VPS13B: variants seen among roughly 807,000 people sequenced by gnomAD.
The protein encoded by VPS13B is vacuolar protein sorting 13 homolog B.
VPS13B carries 285 observed loss-of-function variants against 426.4 expected under a neutral mutation model. The ratio of observed to expected loss-of-function variants is 0.67; its 90% confidence interval spans 0.61 to 0.74. The LOEUF (loss-of-function observed/expected upper bound fraction) is 0.74. VPS13B is among the 30% of genes least tolerant of loss of function. The probability of loss-of-function intolerance (pLI) is 0.00; values close to 1 mark genes in which losing one functional copy is unlikely to be tolerated. For synonymous variants in VPS13B, 1,676 were observed against 1,676.4 expected (o/e 1.00, Z 0.01); for missense variants, 4,537 against 4,782.6 (o/e 0.95, Z 1.51).
At chr8:99,725,373 T>C (rs117112380) in intron 39 of VPS13B, among the ~76,000 whole-genome samples, 1,809 of 152,236 alleles carry the variant, frequency 0.012, 21 homozygotes, top group Admixed American at 0.055. Flanking sequence ...TGCCTCCCAA[T>C]CTAATGAGCA....
At chr8:99,318,610 C>G (rs1809800736) in intron 19 of VPS13B, among the ~76,000 whole-genome samples, 1 of 152,172 alleles carries the variant, frequency 6.6e-6, no homozygotes, top group African/African-American at 2.4e-5. Context: ...ACCTCCACCT[C>G]CTGGGTTCAA....
At chr8:99,532,389 T>C (rs753171439) in intron 30 of VPS13B, among the ~76,000 whole-genome samples, 1 of 152,170 alleles carries the variant, frequency 6.6e-6, no homozygotes, top group Non-Finnish European at 1.5e-5. Flanking sequence ...CATAGTAATT[T>C]TGGCAAACTT....
At chr8:99,754,641 C>T (rs1263632483) in intron 39 of VPS13B, among the ~76,000 whole-genome samples, 2 of 152,162 alleles carry the variant, frequency 1.3e-5, no homozygotes, top group Non-Finnish European at 2.9e-5. Context: ...TCTACTTACT[C>T]TCCTCCAGCC....
chr8:99,096,310 A>G lies in VPS13B; in HGVS notation c.292-2A>G, dbSNP rs386834079. On this transcript the variant is annotated splice_acceptor_variant, in intron 3 of 61. Coordinates refer to ENST00000357162, the MANE Select transcript of VPS13B (RefSeq NM_152564.5). LOFTEE classifies it high-confidence loss of function. ...CTTTTTCTTTCTTTAAAATAAAAAT[A>G]GGATGACCATGAAAGCTGTGGTTCT... 1 of 1,613,862 alleles carries G rather than the reference A, an allele frequency of 6.2e-7. No individual in the cohort carries two copies. The highest frequency in any genetic ancestry group is 8.5e-7 in the Non-Finnish European group (1 of 1,179,866).
chr8:99,121,597 C>A, intron 8 of VPS13B, 152 bp downstream of exon 8: 1 of 1,443,108 alleles, frequency 6.9e-7, no homozygotes, highest in Non-Finnish European at 9.1e-7. Context: ...TTACATGGCT[C>A]CTCCACTTGA....
chr8:99,712,414 A>G (rs1396596164), intron 36 of VPS13B, among the ~76,000 whole-genome samples: 1 of 152,162 alleles, frequency 6.6e-6, no homozygotes, highest in Non-Finnish European at 1.5e-5. Flanking sequence ...GACCAAATCA[A>G]TCTCCAGAGA....
chr8:99,260,167 C>T (rs1463894661), intron 17 of VPS13B, among the ~76,000 whole-genome samples: 1 of 152,022 alleles, frequency 6.6e-6, no homozygotes, highest in Non-Finnish European at 1.5e-5. Flanking sequence ...AAAGAAGTTT[C>T]CCAGAATGCA....
intron 19 of VPS13B, among the ~76,000 whole-genome samples, chr8:99,306,513 T>C (rs187258099): frequency 6.6e-6 from 1 of 152,214 alleles, no homozygotes; most frequent in East Asian, 1.9e-4. Flanking sequence ...ATGTTTATTG[T>C]ATTAACCCTA....
chr8:99,694,942 A>G (rs1382900158), intron 35 of VPS13B, among the ~76,000 whole-genome samples: 1 of 151,860 alleles, frequency 6.6e-6, no homozygotes, highest in Non-Finnish European at 1.5e-5. Context: ...AAAACACATG[A>G]AAAAATGCTC....
At chr8:99,323,282 T>C (rs1810077063) in intron 19 of VPS13B, among the ~76,000 whole-genome samples, 1 of 152,186 alleles carries the variant, frequency 6.6e-6, no homozygotes, top group Non-Finnish European at 1.5e-5. Context: ...TCAGGGAGCA[T>C]AGAGAGTTTT....
chr8:99,032,149 C>T (rs1485680184), intron 2 of VPS13B, among the ~76,000 whole-genome samples: 1 of 152,180 alleles, frequency 6.6e-6, no homozygotes, highest in Non-Finnish European at 1.5e-5. Flanking sequence ...TGATCTTGGC[C>T]AGGTGCTCTC....
intron 39 of VPS13B, among the ~76,000 whole-genome samples, chr8:99,735,978 C>T (rs1833811345): frequency 6.6e-6 from 1 of 152,138 alleles, no homozygotes; most frequent in African/African-American, 2.4e-5. Context: ...GCGCTTGGGT[C>T]GCAGTGGGCT....
intron 43 of VPS13B, among the ~76,000 whole-genome samples, chr8:99,795,643 G>A (rs1158302677): frequency 3.9e-5 from 6 of 152,128 alleles, no homozygotes; most frequent in South Asian, 2.1e-4. Flanking sequence ...CCAGCTCAGC[G>A]TTTCTGATAA....
At chr8:99,537,540 G>A (rs1823321335) in intron 30 of VPS13B, among the ~76,000 whole-genome samples, 1 of 152,154 alleles carries the variant, frequency 6.6e-6, no homozygotes, top group African/African-American at 2.4e-5. Flanking sequence ...AGTGGAGCTC[G>A]ACTTCTACGC....
chr8:99,155,956 G>A (rs1054289020), intron 14 of VPS13B, among the ~76,000 whole-genome samples: 56 of 152,216 alleles, frequency 3.7e-4, no homozygotes, highest in African/African-American at 1.3e-3. Context: ...AAACTTACCT[G>A]TATTTATTTG....
intron 34 of VPS13B, among the ~76,000 whole-genome samples, chr8:99,653,022 G>A (rs2129669059): frequency 6.6e-6 from 1 of 152,236 alleles, no homozygotes; most frequent in African/African-American, 2.4e-5. Flanking sequence ...ACAGAAATCA[G>A]AAATCTTGAC....
Position 99,013,870 on chromosome 8 carries a change from C to T in VPS13B, c.82C>T (p.Leu28Phe), listed in dbSNP as rs1475245948. ...IKNLKPSDLQ[L>F]SLWGGDVVLS... is the part of the protein sequence containing the mutation. ...GAACTTAAAGCCGTCGGATCTACAG[C>T]TTTCACTATGGGGTGGAGACGTGGT... The change falls in exon 2 of 62, where the codon CTT becomes TTT. Residue 28 changes from leucine (L) to phenylalanine (F), a missense_variant. Leu to Phe is a conservative substitution (Grantham distance 22). This residue lies in a region of VPS13B where 226 missense variants were observed against 308.3 expected (regional missense o/e 0.73). Coordinates refer to ENST00000357162, the MANE Select transcript of VPS13B (RefSeq NM_152564.5). 1 of 1,614,140 alleles carries T rather than the reference C, an allele frequency of 6.2e-7. No individual in the cohort carries two copies. Among genetic ancestry groups the T allele is most frequent in the African/African-American group, 1.3e-5 (1 of 75,036 alleles).
intron 21 of VPS13B, among the ~76,000 whole-genome samples, chr8:99,413,692 A>G (rs1815824549): frequency 6.6e-6 from 1 of 152,118 alleles, no homozygotes; most frequent in Non-Finnish European, 1.5e-5. Flanking sequence ...TTATTTACCC[A>G]GTAGTCATTC....
intron 33 of VPS13B, among the ~76,000 whole-genome samples, chr8:99,640,488 G>C (rs78319600): frequency 6.6e-6 from 1 of 151,822 alleles, no homozygotes; most frequent in Non-Finnish European, 1.5e-5. Flanking sequence ...GCCTGGTCTC[G>C]AACCCCTGGT....
Sources: gnomAD v4.1 joint callset for allele counts (sites outside exome capture counted in the v4.1 genomes callset) on GRCh38, gnomAD v4.1.1 for gene constraint, gnomAD v4.1.1 regional missense constraint, MANE v1.5 for transcripts, NCBI Gene and HGNC (gene_info 2026-07-23, HGNC 2026-07-21) for gene names.